Variants in RBMS1 observed in about 807,000 individuals in gnomAD.
RBMS1 encodes the protein RNA binding motif single stranded interacting protein 1.
RBMS1 carries 17 observed loss-of-function variants against 62.3 expected under a neutral mutation model. The ratio of observed to expected loss-of-function variants is 0.27; its 90% CI spans 0.19 to 0.41. The LOEUF (loss-of-function observed/expected upper bound fraction) is 0.41. Among genes scored for constraint, RBMS1 ranks in the 10% least tolerant of loss-of-function variants. The pLI is 1.00. For synonymous variants in RBMS1, 172 were observed against 170.0 expected (o/e 1.01, Z -0.09); for missense variants, 334 against 504.5 (o/e 0.66, Z 3.24).
At chr2:160,397,855 C>G (rs1245253263) in intron 1 of RBMS1, among the ~76,000 whole-genome samples, 1 of 152,214 alleles carries the variant, frequency 6.6e-6, no homozygotes, top group Non-Finnish European at 1.5e-5. Context: ...TCCTTGGCTT[C>G]TGTGACACTC....
chr2:160,486,631 A>C (rs1422953630), intron 1 of RBMS1, among the ~76,000 whole-genome samples: 1 of 152,206 alleles, frequency 6.6e-6, no homozygotes, highest in African/African-American at 2.4e-5. Flanking sequence ...GGACTCCTGA[A>C]GCACTTGGAT....
At chr2:160,431,417 G>A (rs936822201) in intron 1 of RBMS1, among the ~76,000 whole-genome samples, 1 of 151,862 alleles carries the variant, frequency 6.6e-6, no homozygotes, top group Non-Finnish European at 1.5e-5. Context: ...TCCCACAGCA[G>A]TCACAATGCA....
intron 1 of RBMS1, among the ~76,000 whole-genome samples, chr2:160,372,975 T>C (rs1484152912): frequency 6.6e-6 from 1 of 152,064 alleles, no homozygotes; most frequent in East Asian, 1.9e-4. Flanking sequence ...AAGGAAATAA[T>C]CAATTAATCC....
intron 1 of RBMS1, among the ~76,000 whole-genome samples, chr2:160,476,351 G>A (rs955591188): frequency 1.3e-5 from 2 of 152,026 alleles, no homozygotes; most frequent in Non-Finnish European, 2.9e-5. Context: ...AGGTAATTTA[G>A]GCTAAAAGCT....
chr2:160,325,776 T>G (rs1690888321), intron 2 of RBMS1, among the ~76,000 whole-genome samples: 1 of 152,204 alleles, frequency 6.6e-6, no homozygotes, highest in African/African-American at 2.4e-5. Context: ...ATTCAGCTGG[T>G]TATATTTCCT....
rs561624832 is a variant in RBMS1 at position 160,407,087 on chromosome 2, T to C, written c.76-39696A>G. 2.6e-3 allele frequency among the ~76,000 whole-genome samples: 394 copies of C among 152,154 alleles called. 2 individuals carry two copies. The highest frequency in any genetic ancestry group is 9.6e-3 in the South Asian group (46 of 4,816). On this transcript the variant is annotated intron_variant, in intron 1 of 13. Coordinates refer to ENST00000348849, the MANE Select transcript of RBMS1 (RefSeq NM_016836.4). ...TTTCCTACGAATCAGACAGGTTCTC[T>C]GAGGTTCCTAGCGAAGACTGCACAC...
intron 1 of RBMS1, among the ~76,000 whole-genome samples, chr2:160,381,301 TA>T (rs1203100137): frequency 2.6e-5 from 4 of 152,232 alleles, no homozygotes. Context: ...AATGGATCTA[TA>T]ATATTTTATC....
chr2:160,458,752 G>A (rs531830515), intron 1 of RBMS1, among the ~76,000 whole-genome samples: 8 of 151,304 alleles, frequency 5.3e-5, no homozygotes, highest in South Asian at 2.1e-4. Flanking sequence ...AGCCGAGATC[G>A]TGCCATTGCA....
At chr2:160,478,861 C>T (rs992832056) in intron 1 of RBMS1, among the ~76,000 whole-genome samples, 1 of 152,172 alleles carries the variant, frequency 6.6e-6, no homozygotes, top group African/African-American at 2.4e-5. Flanking sequence ...TAAAACAGAG[C>T]TCCTGAAGCC....
rs577762738 is a variant in RBMS1, at chr2:160,325,618, T to C, written c.252-7391A>G. Among the ~76,000 whole-genome samples, 4 of 152,326 alleles carry C rather than the reference T, an allele frequency of 2.6e-5. No individual in the cohort carries two copies. In the East Asian group the frequency reaches 5.8e-4, roughly 22 times the overall value. On this transcript the variant is annotated intron_variant, in intron 2 of 13. Coordinates refer to ENST00000348849, the MANE Select transcript of RBMS1 (RefSeq NM_016836.4). ...AAAGGGGATTTCCTAAAACTTGCTT[T>C]AGCTCTTTCAACAGTGGTTGGATAG...
chr2:160,330,189 A>T (rs1042399266), intron 2 of RBMS1, among the ~76,000 whole-genome samples: 4 of 152,206 alleles, frequency 2.6e-5, no homozygotes, highest in African/African-American at 9.6e-5. Context: ...TTATTTGCTC[A>T]TACATCAGAT....
intron 1 of RBMS1, among the ~76,000 whole-genome samples, chr2:160,382,655 G>A (rs779266792): frequency 2.4e-4 from 36 of 152,098 alleles, no homozygotes; most frequent in Non-Finnish European, 4.9e-4. Flanking sequence ...TCCAGGATTT[G>A]CTTTATTAGA....
intron 3 of RBMS1, among the ~76,000 whole-genome samples, chr2:160,316,243 A>C (rs1379672471): frequency 6.6e-6 from 1 of 152,066 alleles, no homozygotes; most frequent in Non-Finnish European, 1.5e-5. Context: ...GGATTTTATA[A>C]ACCCACTCTT....
chr2:160,354,669 T>G (rs181706073), intron 2 of RBMS1, among the ~76,000 whole-genome samples: 110 of 152,264 alleles, frequency 7.2e-4, no homozygotes, highest in African/African-American at 2.5e-3. Context: ...AAGCTGTACA[T>G]GCAAATGCTG....
At chr2:160,351,611 A>G (rs939447985) in intron 2 of RBMS1, among the ~76,000 whole-genome samples, 1 of 152,116 alleles carries the variant, frequency 6.6e-6, no homozygotes, top group African/African-American at 2.4e-5. Flanking sequence ...ATCAAGCTAA[A>G]AGTTGCTAGA....
chr2:160,362,474 A>G (rs1392648496), intron 2 of RBMS1, among the ~76,000 whole-genome samples: 1 of 152,234 alleles, frequency 6.6e-6, no homozygotes, highest in Non-Finnish European at 1.5e-5. Context: ...TTTCAATATT[A>G]TATCTCAGAG....
intron 1 of RBMS1, among the ~76,000 whole-genome samples, chr2:160,402,473 G>A (rs1695487079): frequency 6.6e-6 from 1 of 152,178 alleles, no homozygotes; most frequent in Non-Finnish European, 1.5e-5. Context: ...ATTCAAAAAT[G>A]CAGTGTGATG....
chr2:160,316,099 T>C (rs546503635), intron 3 of RBMS1, among the ~76,000 whole-genome samples: 7 of 152,336 alleles, frequency 4.6e-5, no homozygotes, highest in African/African-American at 1.4e-4. Flanking sequence ...TATTCATTTA[T>C]CAATCAGTCA....
intron 2 of RBMS1, among the ~76,000 whole-genome samples, chr2:160,350,053 C>T (rs1243061961): frequency 6.6e-6 from 1 of 151,848 alleles, no homozygotes; most frequent in Non-Finnish European, 1.5e-5. Flanking sequence ...TAAGAAACAC[C>T]AAGGAGTCCA....
Sources: allele counts gnomAD v4.1 joint callset (sites outside exome capture counted in the v4.1 genomes callset), GRCh38; gene constraint gnomAD v4.1.1; transcripts MANE v1.5; gene names NCBI Gene and HGNC (gene_info 2026-07-23, HGNC 2026-07-21).